The following NFATC1 variants were observed in gnomAD, a reference collection of about 807,000 sequenced individuals.
The protein encoded by NFATC1 is nuclear factor of activated T-cells, cytoplasmic 1.
In NFATC1, 22 loss-of-function variants were observed where a neutral mutation model predicts 76.0. That is an observed-to-expected ratio of 0.29 (90% confidence interval 0.21 to 0.41). The LOEUF (loss-of-function observed/expected upper bound fraction) is 0.41, where lower values mean the gene tolerates loss of function less well. Among genes scored for constraint, NFATC1 ranks in the 10% least tolerant of loss-of-function variants. The pLI is 1.00. For missense variants in NFATC1, 1,357 were observed against 1,337.7 expected, an observed-to-expected ratio of 1.01 and a Z score of -0.23; for synonymous variants, 704 against 613.1, an observed-to-expected ratio of 1.15 and a Z score of -2.19.
At chr18:79,400,386 C>A in intron 1 of NFATC1, 1 of 1,098,336 alleles carries the variant, frequency 9.1e-7, no homozygotes. Flanking sequence ...CCCGGCCCGA[C>A]CCGCCATGAC....
chr18:79,420,242 C>T (rs1387787315), intron 2 of NFATC1, among the ~76,000 whole-genome samples: 3 of 146,890 alleles, frequency 2.0e-5, no homozygotes, highest in Non-Finnish European at 3.0e-5. Flanking sequence ...CAGGTGACGT[C>T]GCTGCAGAGA....
intron 1 of NFATC1, among the ~76,000 whole-genome samples, chr18:79,405,263 T>G (rs1260555689): frequency 2.6e-5 from 4 of 152,246 alleles, no homozygotes; most frequent in Non-Finnish European, 4.4e-5. Flanking sequence ...TTGCTTAGAA[T>G]CCAGCTGTCT....
intron 3 of NFATC1, among the ~76,000 whole-genome samples, chr18:79,441,589 C>G (rs561634855): frequency 4.9e-4 from 75 of 152,300 alleles, no homozygotes; most frequent in South Asian, 2.3e-3. Flanking sequence ...CTGAGCCCGT[C>G]AGGCCCTGCT....
At chr18:79,477,307 T>C (rs1006453278) in intron 8 of NFATC1, among the ~76,000 whole-genome samples, 13 of 152,254 alleles carry the variant, frequency 8.5e-5, no homozygotes, top group African/African-American at 2.9e-4. Context: ...TTTTGTCCAG[T>C]ACTGTAGTGC....
intron 9 of NFATC1, among the ~76,000 whole-genome samples, chr18:79,492,958 C>T (rs373593405): frequency 1.4e-5 from 2 of 142,528 alleles, no homozygotes; most frequent in South Asian, 2.2e-4. Context: ...CCTTTCTACT[C>T]CCAAGTTTTG....
At chr18:79,503,937 G>T (rs2090067739) in intron 9 of NFATC1, among the ~76,000 whole-genome samples, 1 of 152,174 alleles carries the variant, frequency 6.6e-6, no homozygotes, top group Non-Finnish European at 1.5e-5. Context: ...ACTAGCCTCT[G>T]CTGGCTTCAA....
rs569255654 is a variant in NFATC1, at chr18:79,426,605, G to A, written c.1227-6974G>A. 2.5e-3 allele frequency among the ~76,000 whole-genome samples: 381 copies of A among 152,286 alleles called. 1 individual carries two copies. The highest frequency in any genetic ancestry group is 3.7e-3 in the Non-Finnish European group (249 of 68,020). On this transcript the variant is annotated intron_variant, in intron 2 of 9. Coordinates refer to ENST00000427363, the MANE Select transcript of NFATC1 (RefSeq NM_001278669.2). The stretch of plus-strand genomic sequence containing the variant: ...CCACCTCCATGGGAGCACCGTCCCC[G>A]GACCCCCAGAGGGGCGGCAAACACA...
intron 9 of NFATC1, among the ~76,000 whole-genome samples, chr18:79,491,371 G>A (rs762947455): frequency 2.0e-5 from 3 of 152,184 alleles, no homozygotes; most frequent in South Asian, 2.1e-4. Context: ...AGTCGGTGCC[G>A]TGCGTGCCAA....
rs2090831891 is a variant in NFATC1 at position 79,528,794 on chromosome 18, A to G, written c.*1217A>G. 1 of 152,478 alleles carries G rather than the reference A, an allele frequency of 6.6e-6. No homozygotes were observed. The highest frequency in any genetic ancestry group is 6.5e-5 in the Admixed American group (1 of 15,282). 9.4% of individuals were successfully genotyped at this position (152,478 alleles called of 1,614,324 possible). ...GTGTGTTTTCAGATGAGTTACTGTT[A>G]ACAGGTAGGTTTGTGTAGGCCTTGC... On this transcript the variant is annotated 3_prime_UTR_variant, in exon 10 of 10. Transcript: ENST00000427363.
At chr18:79,431,866 C>T (rs1487976503) in intron 2 of NFATC1, among the ~76,000 whole-genome samples, 1 of 152,220 alleles carries the variant, frequency 6.6e-6, no homozygotes, top group Non-Finnish European at 1.5e-5. Flanking sequence ...CCACGCCCGG[C>T]TAATTTTTGT....
In NFATC1 at chr18:79,490,529, A is replaced by G. The variant is rs1830466709; in HGVS notation, c.2782+3592A>G. ...CACCCTGGGAGACAGGCACCAGGCC[A>G]TGGACTCCAGGTTCCTCCTGAGCAC... On this transcript the variant is annotated intron_variant, in intron 9 of 9. Coordinates refer to ENST00000427363, the MANE Select transcript of NFATC1 (RefSeq NM_001278669.2). Among the ~76,000 whole-genome samples, 5 of 152,142 alleles carry G rather than the reference A, an allele frequency of 3.3e-5. No homozygotes were observed. The South Asian group carries it at 8.3e-4, about 25-fold the overall frequency.
At chr18:79,463,021 C>G (rs2088203694) in intron 7 of NFATC1, among the ~76,000 whole-genome samples, 1 of 152,194 alleles carries the variant, frequency 6.6e-6, no homozygotes, top group Non-Finnish European at 1.5e-5. Flanking sequence ...ACTCCCTGTC[C>G]CAAGAGGTGG....
chr18:79,443,824 G>C (rs138150703), intron 3 of NFATC1, among the ~76,000 whole-genome samples: 2 of 152,168 alleles, frequency 1.3e-5, no homozygotes, highest in Non-Finnish European at 2.9e-5. Flanking sequence ...CCCCAGCCCC[G>C]AGGTGCTGGT....
intron 8 of NFATC1, chr18:79,467,880 C>T (rs959633377): frequency 5.8e-5 from 69 of 1,187,138 alleles, no homozygotes; most frequent in Non-Finnish European, 7.0e-5. Flanking sequence ...GGCTCTTCTG[C>T]TCCAAAAAAC....
chr18:79,442,634 TGCGGTG>T (rs1380309418), intron 3 of NFATC1, among the ~76,000 whole-genome samples: 1 of 152,222 alleles, frequency 6.6e-6, no homozygotes, highest in Non-Finnish European at 1.5e-5. Flanking sequence ...TTCACAGACG[TGCGGTG>T]GCGGCGGCGG....
intron 2 of NFATC1, among the ~76,000 whole-genome samples, chr18:79,427,349 G>C (rs1410285560): frequency 2.0e-5 from 3 of 150,832 alleles, no homozygotes; most frequent in Non-Finnish European, 3.0e-5. Context: ...AGCTGGCCTT[G>C]GTGTGGCAGT....
rs771840636 is a variant in NFATC1 at position 79,433,567 on chromosome 18, G to A, written c.1227-12G>A. ...TGGTGCTGAACGCCTCCTCTGCTCT[G>A]TTCCCTTCCAGCCCGACCCTGCCCG... is the stretch of plus-strand genomic sequence containing the variant. On this transcript the variant is annotated splice_polypyrimidine_tract_variant and intron_variant, in intron 2 of 9. Transcript: ENST00000427363. The A allele has an allele frequency of 6.2e-7, 1 of 1,612,834 alleles. No homozygotes were observed. The highest frequency in any genetic ancestry group is 1.1e-5 in the South Asian group (1 of 91,064).
intron 8 of NFATC1, among the ~76,000 whole-genome samples, chr18:79,485,255 T>C (rs771019823): frequency 6.6e-6 from 1 of 152,200 alleles, no homozygotes; most frequent in Non-Finnish European, 1.5e-5. Flanking sequence ...ACTCACAGCT[T>C]GCTGTCTGCG....
At chr18:79,427,430 G>GT (rs1568947946) in intron 2 of NFATC1, among the ~76,000 whole-genome samples, 39 of 88,818 alleles carry the variant, frequency 4.4e-4, no homozygotes, top group East Asian at 1.3e-3. Flanking sequence ...TGCGGTGGGT[G>GT]GGGGGGAGCT....
Sources: allele counts gnomAD v4.1 joint callset (sites outside exome capture counted in the v4.1 genomes callset), GRCh38; gene constraint gnomAD v4.1.1; transcripts MANE v1.5; gene names NCBI Gene and HGNC (gene_info 2026-07-23, HGNC 2026-07-21).